The following MACROD2 variants were observed in gnomAD, a reference collection of about 807,000 sequenced individuals.
MACROD2 encodes the protein mono-ADP ribosylhydrolase 2.
A neutral mutation model predicts 70.4 loss-of-function variants in MACROD2; 36 were observed. The observed-to-expected ratio is 0.51, with a 90% CI of 0.39 to 0.68. The LOEUF (loss-of-function observed/expected upper bound fraction) is 0.68. MACROD2 is among the 30% of genes least tolerant of loss of function. The pLI is 0.00. For missense variants in MACROD2, 496 were observed against 538.4 expected (o/e 0.92, Z 0.78); for synonymous variants, 172 against 178.8 (o/e 0.96, Z 0.30).
chr20:15,893,755 C>T (rs1230805751), intron 10 of MACROD2: 1 of 456,588 alleles, frequency 2.2e-6, no homozygotes, highest in East Asian at 6.9e-5. Context: ...TGGATCCCCA[C>T]CTCCTCCACT....
chr20:15,965,536 T>G (rs1252852625), intron 12 of MACROD2, among the ~76,000 whole-genome samples: 1 of 152,188 alleles, frequency 6.6e-6, no homozygotes, highest in Non-Finnish European at 1.5e-5. Context: ...AAATCTTGGA[T>G]AATTCTATAA....
chr20:14,981,345 C>G (rs1009164657), intron 5 of MACROD2, among the ~76,000 whole-genome samples: 1 of 151,448 alleles, frequency 6.6e-6, no homozygotes, highest in African/African-American at 2.4e-5. Context: ...GTAAGTTTCA[C>G]TTTTCCTTCA....
In MACROD2 at chr20:15,954,056, A is replaced by G. The variant is rs116064994; in HGVS notation, c.908-13497A>G. The stretch of plus-strand genomic sequence containing the variant: ...GATTAAGTGTTTATGTTTGAACCCT[A>G]TATAAATGAGCAAACCTTTATATAA... On this transcript the variant is annotated intron_variant, in intron 12 of 17. Transcript: ENST00000684519. Among the ~76,000 whole-genome samples the G allele has an allele frequency of 4.5e-3, 685 of 152,266 alleles. 4 individuals carry two copies. Among genetic ancestry groups the G allele is most frequent in the African/African-American group, 0.016 (653 of 41,560 alleles).
At chr20:14,889,530 A>T (rs1295411299) in intron 5 of MACROD2, among the ~76,000 whole-genome samples, 2 of 152,134 alleles carry the variant, frequency 1.3e-5, no homozygotes, top group Non-Finnish European at 2.9e-5. Flanking sequence ...ATGACTTAAA[A>T]GAGATAAAGG....
intron 3 of MACROD2, among the ~76,000 whole-genome samples, chr20:14,176,176 A>G (rs1363114942): frequency 1.3e-5 from 2 of 152,138 alleles, no homozygotes; most frequent in Non-Finnish European, 2.9e-5. Context: ...TTTATTAGAG[A>G]TGTTTATCTG....
intron 6 of MACROD2, among the ~76,000 whole-genome samples, chr20:15,405,360 G>T (rs763481320): frequency 2.0e-4 from 30 of 152,132 alleles, no homozygotes; most frequent in Non-Finnish European, 3.1e-4. Flanking sequence ...TTTGGAGGAG[G>T]TCAAAGCAAA....
chr20:15,040,818 TTAAG>T (rs1367214957), intron 5 of MACROD2, among the ~76,000 whole-genome samples: 8 of 152,226 alleles, frequency 5.3e-5, no homozygotes, highest in African/African-American at 1.9e-4. Flanking sequence ...TGTAATATAT[TTAAG>T]TAACTCTAGA....
intron 7 of MACROD2, among the ~76,000 whole-genome samples, chr20:15,484,283 G>A (rs902060258): frequency 1.3e-5 from 2 of 152,016 alleles, no homozygotes. Context: ...AAAAAAGAAC[G>A]ACAATAAATA....
At chr20:14,088,607 G>A (rs2054111916) in intron 3 of MACROD2, among the ~76,000 whole-genome samples, 2 of 152,044 alleles carry the variant, frequency 1.3e-5, no homozygotes, top group African/African-American at 4.8e-5. Flanking sequence ...ACTCTCACAA[G>A]TTTTCTCCTT....
chr20:14,286,979 C>T (rs890593928), intron 3 of MACROD2, among the ~76,000 whole-genome samples: 1 of 152,098 alleles, frequency 6.6e-6, no homozygotes, highest in African/African-American at 2.4e-5. Flanking sequence ...AGTCTTCTAA[C>T]GGTTGTTTTG....
chr20:14,234,643 G>A (rs978933491), intron 3 of MACROD2, among the ~76,000 whole-genome samples: 3 of 152,006 alleles, frequency 2.0e-5, no homozygotes, highest in African/African-American at 7.2e-5. Flanking sequence ...AGATGAAATG[G>A]TTTCTATTGT....
chr20:14,286,057 A>G (rs541158444), intron 3 of MACROD2, among the ~76,000 whole-genome samples: 1 of 151,978 alleles, frequency 6.6e-6, no homozygotes, highest in East Asian at 1.9e-4. Flanking sequence ...GGTTTTTCTT[A>G]TATGTTCACT....
intron 6 of MACROD2, among the ~76,000 whole-genome samples, chr20:15,313,506 C>CA (rs11314563): frequency 0.063 from 5,436 of 85,848 alleles, 180 homozygotes; most frequent in Admixed American, 0.12. Flanking sequence ...GACTCCGTCT[C>CA]AAAAAAAAAA....
intron 4 of MACROD2, among the ~76,000 whole-genome samples, chr20:14,570,823 TTA>T (rs1980142668): frequency 6.6e-6 from 1 of 151,990 alleles, no homozygotes; most frequent in Non-Finnish European, 1.5e-5. Flanking sequence ...AAAACACAAC[TTA>T]GACAAGAATT....
intron 3 of MACROD2, among the ~76,000 whole-genome samples, chr20:14,383,749 A>C (rs1390449408): frequency 6.6e-6 from 1 of 151,702 alleles, no homozygotes; most frequent in Non-Finnish European, 1.5e-5. Flanking sequence ...CAGAAACTTT[A>C]TTTATTAGCT....
At chr20:15,811,782 A>G (rs186134890) in intron 8 of MACROD2, among the ~76,000 whole-genome samples, 4 of 152,312 alleles carry the variant, frequency 2.6e-5, no homozygotes, top group Non-Finnish European at 4.4e-5. Flanking sequence ...AATCCAGATT[A>G]GAAGTTTTCT....
chr20:15,806,112 T>C (rs759608048), intron 8 of MACROD2, among the ~76,000 whole-genome samples: 3 of 152,198 alleles, frequency 2.0e-5, no homozygotes, highest in Non-Finnish European at 4.4e-5. Context: ...TTCCAATACA[T>C]ATAAAATTAC....
rs558674880 is a variant in MACROD2 at position 15,116,513 on chromosome 20, C to T, written c.419-113427C>T. On this transcript the variant is annotated intron_variant, in intron 5 of 17. Coordinates refer to ENST00000684519, the MANE Select transcript of MACROD2 (RefSeq NM_001351661.2). ...CAAAAAAATTAGCTGGGCCTGGTGACGTGTGCCTGTAATCCCAGCTACTTG... is the reference window on the plus strand; with the variant it reads ...CAAAAAAATTAGCTGGGCCTGGTGATGTGTGCCTGTAATCCCAGCTACTTG... 1.4e-4 allele frequency among the ~76,000 whole-genome samples: 22 copies of T among 152,180 alleles called. No individual in the cohort carries two copies. The East Asian group carries it at 1.9e-3, about 13-fold the overall frequency.
chr20:15,821,569 C>T (rs190527975), intron 8 of MACROD2, among the ~76,000 whole-genome samples: 3 of 152,244 alleles, frequency 2.0e-5, no homozygotes, highest in African/African-American at 7.2e-5. Flanking sequence ...ACAGTCAACC[C>T]TCTGAATCTG....
Sources: gnomAD v4.1 joint callset for allele counts (sites outside exome capture counted in the v4.1 genomes callset) on GRCh38, gnomAD v4.1.1 for gene constraint, MANE v1.5 for transcripts, NCBI Gene and HGNC (gene_info 2026-07-23, HGNC 2026-07-21) for gene names.